TMEM178B: variants seen among roughly 807,000 people sequenced by gnomAD.
TMEM178B encodes the protein transmembrane protein 178B.
In TMEM178B, 5 loss-of-function variants were observed where a neutral mutation model predicts 31.0. The ratio of observed to expected loss-of-function variants is 0.16; its 90% CI spans 0.08 to 0.34. The LOEUF is 0.34. Ranked by LOEUF, TMEM178B falls within the 10% of genes least tolerant of loss-of-function variation. TMEM178B has a pLI of 1.00. For missense variants in TMEM178B, 275 were observed against 400.3 expected (o/e 0.69, Z 2.67); for synonymous variants, 164 against 164.0 (o/e 1.00, Z 0.00).
intron 3 of TMEM178B, among the ~76,000 whole-genome samples, chr7:141,452,468 T>C (rs1390644966): frequency 6.6e-6 from 1 of 152,246 alleles, no homozygotes; most frequent in East Asian, 1.9e-4. Flanking sequence ...TTTTCCGTTT[T>C]CACCCTTACC....
the TMEM178B span, among the ~76,000 whole-genome samples, chr7:141,499,113 C>G: frequency 6.6e-6 from 1 of 152,126 alleles, no homozygotes; most frequent in East Asian, 1.9e-4. Flanking sequence ...ATTTGGCTGG[C>G]AAGCTTCAGG....
intron 1 of TMEM178B, among the ~76,000 whole-genome samples, chr7:141,197,935 T>G (rs975446602): frequency 2.0e-5 from 3 of 152,156 alleles, no homozygotes; most frequent in African/African-American, 7.2e-5. Context: ...ACCCTGCCAG[T>G]TTCCATTCAA....
At chr7:141,162,423 C>A (rs530409810) in intron 1 of TMEM178B, among the ~76,000 whole-genome samples, 2 of 152,306 alleles carry the variant, frequency 1.3e-5, no homozygotes, top group African/African-American at 4.8e-5. Flanking sequence ...GACACCTGAA[C>A]AATGTTTACA....
At chr7:141,113,507 C>T (rs1232803775) in intron 1 of TMEM178B, among the ~76,000 whole-genome samples, 1 of 152,234 alleles carries the variant, frequency 6.6e-6, no homozygotes, top group East Asian at 1.9e-4. Flanking sequence ...TCTCATACCT[C>T]TTCCTGGGAG....
At chr7:141,378,572 T>C (rs1800259679) in intron 2 of TMEM178B, among the ~76,000 whole-genome samples, 1 of 152,220 alleles carries the variant, frequency 6.6e-6, no homozygotes, top group South Asian at 2.1e-4. Context: ...GAGATGGTAC[T>C]GAGGGAGAGG....
chr7:141,254,947 T>C (rs1797901147), intron 2 of TMEM178B, among the ~76,000 whole-genome samples: 1 of 152,138 alleles, frequency 6.6e-6, no homozygotes, highest in African/African-American at 2.4e-5. Context: ...CACTTCACAA[T>C]CTGAAAAGTT....
chr7:141,364,691 G>C (rs926604253), intron 2 of TMEM178B, among the ~76,000 whole-genome samples: 2 of 150,198 alleles, frequency 1.3e-5, no homozygotes, highest in African/African-American at 4.9e-5. Context: ...AAAAAGTTGG[G>C]CCAGGGATCA....
At chr7:141,497,330 C>G in the TMEM178B span, among the ~76,000 whole-genome samples, 1 of 152,228 alleles carries the variant, frequency 6.6e-6, no homozygotes, top group East Asian at 1.9e-4. Context: ...TCCCTTTTCT[C>G]CTTTCTTTCC....
intron 2 of TMEM178B, among the ~76,000 whole-genome samples, chr7:141,392,024 A>G (rs1240575372): frequency 6.6e-6 from 1 of 150,548 alleles, no homozygotes; most frequent in Non-Finnish European, 1.5e-5. Context: ...CCCTGCTTTC[A>G]CTTTTGGGGG....
chr7:141,250,392 G>T (rs1797811299), intron 2 of TMEM178B, among the ~76,000 whole-genome samples: 1 of 152,236 alleles, frequency 6.6e-6, no homozygotes, highest in South Asian at 2.1e-4. Context: ...CTAGTGAGTG[G>T]CAGAGGAAGG....
intron 2 of TMEM178B, among the ~76,000 whole-genome samples, chr7:141,326,504 T>A (rs1365589131): frequency 6.6e-6 from 1 of 152,212 alleles, no homozygotes; most frequent in Non-Finnish European, 1.5e-5. Context: ...TATGGGTAGA[T>A]GCCTCACAGT....
chr7:141,380,588 G>A (rs895323688), intron 2 of TMEM178B, among the ~76,000 whole-genome samples: 4 of 152,118 alleles, frequency 2.6e-5, no homozygotes, highest in Admixed American at 6.5e-5. Context: ...TAAACTTGGG[G>A]AAAAAAGAAT....
rs543164976 is a variant in TMEM178B at position 141,384,537 on chromosome 7, A to G, written c.497-53071A>G. ...GATCAGATGGTTGTAGATGTGTGGT[A>G]TTATTTCTGAGAGCTCTGTTCTGTT... On this transcript the variant is annotated intron_variant, in intron 2 of 3. Coordinates refer to ENST00000565468, the MANE Select transcript of TMEM178B (RefSeq NM_001195278.2). 5.7e-3 allele frequency among the ~76,000 whole-genome samples: 870 copies of G among 152,174 alleles called. 2 individuals are homozygous for G. Among genetic ancestry groups the G allele is most frequent in the Middle Eastern group, 0.014 (4 of 292 alleles).
At chr7:141,199,093 C>T (rs930687623) in intron 1 of TMEM178B, among the ~76,000 whole-genome samples, 10 of 152,116 alleles carry the variant, frequency 6.6e-5, no homozygotes, top group South Asian at 2.1e-4. Context: ...GGGGCACAGA[C>T]GGAGACAGCT....
intron 1 of TMEM178B, among the ~76,000 whole-genome samples, chr7:141,180,615 TG>T (rs1322845496): frequency 6.6e-6 from 1 of 152,222 alleles, no homozygotes; most frequent in Non-Finnish European, 1.5e-5. Context: ...ACAAAATTAA[TG>T]TTTCACTTGT....
At chr7:141,488,078 TAA>T in the TMEM178B span, among the ~76,000 whole-genome samples, 1 of 142,014 alleles carries the variant, frequency 7.0e-6, no homozygotes, top group African/African-American at 2.6e-5. Context: ...GGTTGGGACC[TAA>T]AAAAAAAAAA....
At chr7:141,117,734 C>A (rs1586779050) in intron 1 of TMEM178B, among the ~76,000 whole-genome samples, 1 of 152,294 alleles carries the variant, frequency 6.6e-6, no homozygotes, top group East Asian at 1.9e-4. Context: ...ATATGGCTAG[C>A]CAGTTTTCCC....
At chr7:141,398,218 T>C (rs1261677019) in intron 2 of TMEM178B, among the ~76,000 whole-genome samples, 2 of 152,226 alleles carry the variant, frequency 1.3e-5, no homozygotes, top group Non-Finnish European at 2.9e-5. Flanking sequence ...ACTTTTACAG[T>C]CTAGAACTTC....
intron 2 of TMEM178B, among the ~76,000 whole-genome samples, chr7:141,221,419 G>C (rs1220567884): frequency 9.8e-6 from 1 of 102,102 alleles, no homozygotes; most frequent in Non-Finnish European, 1.8e-5. Context: ...AGAGCAGGCA[G>C]ATACCTGCAT....
Sources: allele counts gnomAD v4.1 joint callset (sites outside exome capture counted in the v4.1 genomes callset), GRCh38; gene constraint gnomAD v4.1.1; transcripts MANE v1.5; gene names NCBI Gene and HGNC (gene_info 2026-07-23, HGNC 2026-07-21).